The following SLC12A9 variants were observed in gnomAD, a reference collection of about 807,000 sequenced individuals.
The protein encoded by SLC12A9 is CCC-interacting protein 1.
SLC12A9 carries 55 observed loss-of-function variants against 66.0 expected under a neutral mutation model. The ratio of observed to expected loss-of-function variants is 0.83; its 90% CI spans 0.67 to 1.04. The LOEUF (loss-of-function observed/expected upper bound fraction) is 1.04. Among genes scored for constraint, SLC12A9 ranks in the 50% least tolerant of loss-of-function variants. SLC12A9 has a pLI of 0.00. For synonymous variants in SLC12A9, 577 were observed against 569.0 expected, an observed-to-expected ratio of 1.01 and a Z score of -0.20; for missense variants, 1,061 against 1,241.9, an observed-to-expected ratio of 0.85 and a Z score of 2.19.
At chr7:100,840,508 C>T (rs1030691986) in intron 1 of SLC12A9, among the ~76,000 whole-genome samples, 4 of 152,130 alleles carry the variant, frequency 2.6e-5, no homozygotes, top group Admixed American at 2.6e-4. Flanking sequence ...GACCCCCCGC[C>T]CCCAACACAC....
chr7:100,836,577 C>T lies in SLC12A9; in HGVS notation n.228+9530C>T, dbSNP rs1396560925. Among the ~76,000 whole-genome samples the T allele has an allele frequency of 2.0e-5, 3 of 152,284 alleles. No homozygotes were observed. The East Asian group carries it at 5.8e-4, about 29-fold the overall frequency. On this transcript the variant is annotated intron_variant and non_coding_transcript_variant, in intron 1 of 1. Coordinates refer to the SLC12A9 transcript ENST00000461016. ...CCACATCCAGCTGCTGCCCAGATACCCTCCCTCCCCAGGATCCAGGGGTCT... is the reference window on the plus strand; with the variant it reads ...CCACATCCAGCTGCTGCCCAGATACTCTCCCTCCCCAGGATCCAGGGGTCT...
At chr7:100,854,551 T>C in intron 2 of SLC12A9, 69 bp from the exon 3 acceptor site, 1 of 1,606,894 alleles carries the variant, frequency 6.2e-7, no homozygotes, top group South Asian at 1.1e-5. Context: ...CCTGGAGCTC[T>C]GCAGAACCAG....
chr7:100,827,082 C>T (rs753554861), intron 1 of SLC12A9: 1 of 1,544,748 alleles, frequency 6.5e-7, no homozygotes, highest in Non-Finnish European at 8.7e-7. Context: ...GGCCCTCGCC[C>T]CCCCAGGTCT....
At chr7:100,835,495 C>T (rs1036187402) in intron 1 of SLC12A9, among the ~76,000 whole-genome samples, 2 of 150,572 alleles carry the variant, frequency 1.3e-5, no homozygotes, top group African/African-American at 4.9e-5. Context: ...ACTAAAAATA[C>T]AAAAATTAGC....
At chr7:100,843,246 A>G (rs897321969) in intron 1 of SLC12A9, among the ~76,000 whole-genome samples, 1 of 152,234 alleles carries the variant, frequency 6.6e-6, no homozygotes, top group South Asian at 2.1e-4. Flanking sequence ...GAAGCCCCTT[A>G]TGGGTCTTTT....
At position 100,866,261 on chromosome 7, in the gene SLC12A9, G is replaced by T; in HGVS notation, c.2401G>T (p.Val801Leu). 2 of 1,574,866 alleles carry T rather than the reference G, an allele frequency of 1.3e-6. No individual in the cohort carries two copies. Among genetic ancestry groups the T allele is most frequent in the Non-Finnish European group, 1.7e-6 (2 of 1,160,528 alleles). ...QLRIRAEVQEVVWGEGAGAGE... is the reference protein window; with the variant it reads ...QLRIRAEVQELVWGEGAGAGE... ...GAGGATCCGGGCTGAGGTGCAGGAG[G>T]TGGTGTGGGGCGAGGGGGCCGGGGC... The change falls in exon 14 of 14, where the codon GTG (valine) becomes TTG (leucine). Residue 801 changes from valine (V) to leucine (L), a missense_variant. Coordinates refer to ENST00000354161, the MANE Select transcript of SLC12A9 (RefSeq NM_020246.4). The surrounding 1 kb of genome is among the most constrained non-coding windows in gnomAD (Gnocchi z 7.3).
At chr7:100,862,572 A>G (rs1336347457) in intron 12 of SLC12A9, 109 bp from the exon 13 acceptor site, 2 of 1,302,182 alleles carry the variant, frequency 1.5e-6, no homozygotes, top group East Asian at 4.7e-5. Context: ...CTTTCCCATG[A>G]CCCCTCCAAG....
chr7:100,833,467 TCAAAG>T (rs1486113837), intron 1 of SLC12A9, among the ~76,000 whole-genome samples: 1 of 151,154 alleles, frequency 6.6e-6, no homozygotes, highest in East Asian at 2.0e-4. Flanking sequence ...AGACTCTGTC[TCAAAG>T]CAAAGCAAAA....
At chr7:100,848,390 C>A (rs1296120044), upstream of SLC12A9, among the ~76,000 whole-genome samples, 2 of 151,718 alleles carry the variant, frequency 1.3e-5, no homozygotes, top group Admixed American at 6.6e-5. Context: ...TATAGCTACT[C>A]AGGAGGCTGA....
At chr7:100,854,809 G>T (rs1450162559) in intron 3 of SLC12A9, 55 bp downstream of exon 3, 1 of 1,599,772 alleles carries the variant, frequency 6.3e-7, no homozygotes, top group African/African-American at 1.3e-5. Context: ...GCTAGGGAGG[G>T]TGTGGAAGGG....
chr7:100,848,981 TAG>T (rs1813993644), upstream of SLC12A9, among the ~76,000 whole-genome samples: 1 of 151,650 alleles, frequency 6.6e-6, no homozygotes, highest in Non-Finnish European at 1.5e-5. Context: ...TTTGTTTGGT[TAG>T]TTTTTTGTTT....
Position 100,859,887 on chromosome 7 carries a change from C to G in SLC12A9, c.980C>G (p.Thr327Ser). 6.3e-7 allele frequency: 1 copy of G among 1,598,812 alleles called. No individual in the cohort carries two copies. Among genetic ancestry groups the G allele is most frequent in the Non-Finnish European group, 8.6e-7 (1 of 1,167,294 alleles). Residue 327 changes from threonine (T) to serine (S), a missense_variant and splice_region_variant, in exon 8 of 14, where the codon ACC (threonine) becomes AGC (serine). Thr to Ser is a moderately conservative substitution (Grantham distance 58). Coordinates refer to ENST00000354161, the MANE Select transcript of SLC12A9 (RefSeq NM_020246.4). ...FFLSSFTCDR[T>S]LLQEDYGFFR... is the part of the protein sequence containing the mutation. Reference sequence around the variant, plus strand: ...GTCCTCCTTTTCCTCCTTCCTAGGACCCTGCTGCAGGAAGACTATGGGTTC... The same window carrying G: ...GTCCTCCTTTTCCTCCTTCCTAGGAGCCTGCTGCAGGAAGACTATGGGTTC...
Position 100,862,789 on chromosome 7 carries a change from G to C in SLC12A9, c.1820G>C (p.Arg607Pro), listed in dbSNP as rs1332385376. 6.2e-7 allele frequency: 1 copy of C among 1,614,160 alleles called. No homozygotes were observed. Among genetic ancestry groups the C allele is most frequent in the East Asian group, 2.2e-5 (1 of 44,874 alleles). Reference sequence around the variant, plus strand: ...GATCTAACCCTCTCACCCTCCGTGCGCCAGGGGGCTCAGCATCTGCTGCGA... The same window carrying C: ...GATCTAACCCTCTCACCCTCCGTGCCCCAGGGGGCTCAGCATCTGCTGCGA... ...FVDLTLSPSVRQGAQHLLRIS... is the reference protein window; with the variant it reads ...FVDLTLSPSVPQGAQHLLRIS... The change falls in exon 13 of 14, where the codon CGC (arginine) becomes CCC (proline). Residue 607 changes from arginine (R) to proline (P), a missense_variant. By Grantham distance (103) the Arg-to-Pro change is moderately radical (BLOSUM62 -2). Coordinates refer to ENST00000354161, the MANE Select transcript of SLC12A9 (RefSeq NM_020246.4).
chr7:100,856,608 G>A (rs1814403609), intron 4 of SLC12A9: 3 of 440,306 alleles, frequency 6.8e-6, no homozygotes, highest in South Asian at 3.9e-5. Context: ...TCTGCCTCCC[G>A]GGCTCATGCG....
chr7:100,865,614 T>C (rs1815028078), intron 13 of SLC12A9, 105 bp from the exon 14 acceptor site: 2 of 1,557,146 alleles, frequency 1.3e-6, no homozygotes, highest in African/African-American at 1.4e-5. Context: ...GGGAATGTCA[T>C]ACCTATGGCT....
At chr7:100,860,258 T>C in intron 9 of SLC12A9, 26 bp downstream of exon 9, 1 of 1,601,682 alleles carries the variant, frequency 6.2e-7, no homozygotes, top group Non-Finnish European at 8.5e-7. Flanking sequence ...CAAGGGGCCC[T>C]TTCCCTCACC....
intron 1 of SLC12A9, among the ~76,000 whole-genome samples, chr7:100,853,110 A>T (rs112079713): frequency 4.0e-4 from 60 of 149,534 alleles, no homozygotes; most frequent in African/African-American, 1.4e-3. Context: ...GGGGTTTGAG[A>T]TGGGTTGAGG....
upstream of SLC12A9, among the ~76,000 whole-genome samples, chr7:100,852,164 G>T (rs1814110287): frequency 6.6e-6 from 1 of 152,116 alleles, no homozygotes; most frequent in African/African-American, 2.4e-5. Flanking sequence ...GCATCAGACG[G>T]TGCAAAGCGA....
chr7:100,831,112 G>A (rs375691973), intron 1 of SLC12A9, among the ~76,000 whole-genome samples: 3 of 152,288 alleles, frequency 2.0e-5, no homozygotes, highest in East Asian at 3.9e-4. Context: ...GCTATCACAC[G>A]GTGCATTGTC....
Sources: allele counts gnomAD v4.1 joint callset (sites outside exome capture counted in the v4.1 genomes callset), GRCh38; gene constraint gnomAD v4.1.1; non-coding constraint Gnocchi (gnomAD v3.1); transcripts MANE v1.5; gene names NCBI Gene and HGNC (gene_info 2026-07-23, HGNC 2026-07-21).